Variants in AKT3 observed in about 807,000 individuals in gnomAD.
AKT3 encodes the protein RAC-gamma serine/threonine-protein kinase.
Under a neutral mutation model 65.3 loss-of-function variants are expected in AKT3, and 15 were observed. The ratio of observed to expected loss-of-function variants is 0.23; its 90% CI spans 0.15 to 0.35. The LOEUF (loss-of-function observed/expected upper bound fraction) is 0.35. Ranked by LOEUF, AKT3 falls within the 10% of genes least tolerant of loss-of-function variation. The probability of loss-of-function intolerance (pLI) is 1.00; values close to 1 mark genes in which losing one functional copy is unlikely to be tolerated. For missense variants in AKT3, 243 were observed against 576.5 expected, an observed-to-expected ratio of 0.42 and a Z score of 5.92; for synonymous variants, 206 against 183.8, an observed-to-expected ratio of 1.12 and a Z score of -0.98.
intron 8 of AKT3, among the ~76,000 whole-genome samples, chr1:243,609,845 T>TA (rs1677737245): frequency 6.6e-6 from 1 of 152,142 alleles, no homozygotes; most frequent in Middle Eastern, 3.2e-3. Flanking sequence ...AATCATCAAT[T>TA]AATTAATCTT....
chr1:243,716,379 T>C (rs575658167), intron 2 of AKT3, among the ~76,000 whole-genome samples: 2 of 152,294 alleles, frequency 1.3e-5, no homozygotes, highest in East Asian at 3.9e-4. Context: ...TAATTTCTCA[T>C]AAGATCTAGC....
intron 11 of AKT3, among the ~76,000 whole-genome samples, chr1:243,552,288 CAAAAAAAAAAAAAAA>C (rs33995513): frequency 5.0e-4 from 25 of 50,174 alleles, no homozygotes; most frequent in Non-Finnish European, 7.5e-4. Context: ...GACTCTGTCT[CAAAAAAAAAAAAAAA>C]AAAAAAAAAA....
chr1:243,539,325 G>C (rs952989322), intron 12 of AKT3, among the ~76,000 whole-genome samples: 2 of 151,992 alleles, frequency 1.3e-5, no homozygotes, highest in African/African-American at 2.4e-5. Flanking sequence ...TCTTCCTTAT[G>C]ATTTTATTAA....
intron 12 of AKT3, among the ~76,000 whole-genome samples, chr1:243,539,790 A>C (rs1672185668): frequency 6.6e-6 from 1 of 152,218 alleles, no homozygotes; most frequent in African/African-American, 2.4e-5. Flanking sequence ...ATGAAAACAC[A>C]GCACATCAAA....
chr1:243,512,128 G>C (rs1670052116), intron 13 of AKT3, among the ~76,000 whole-genome samples, 196 bp downstream of exon 13: 3 of 152,084 alleles, frequency 2.0e-5, no homozygotes, highest in African/African-American at 7.2e-5. Context: ...ATTTCTTGCA[G>C]TCTTTTGATA....
intron 2 of AKT3, among the ~76,000 whole-genome samples, chr1:243,807,828 G>A (rs1692843620): frequency 6.6e-6 from 1 of 152,166 alleles, no homozygotes; most frequent in Non-Finnish European, 1.5e-5. Context: ...ACCCCTCTGA[G>A]ACGAAACTTC....
At position 243,843,107 on chromosome 1, in the gene AKT3, G is replaced by C. The variant is rs774392666; in HGVS notation, c.46+18C>G. 3 of 1,612,876 alleles carry C rather than the reference G, an allele frequency of 1.9e-6. No homozygotes were observed. In the Admixed American group the frequency reaches 5.0e-5, roughly 27 times the overall value. ...CACTCTTACCAACCGTATTATTTTT[G>C]GTTTGCGGAGCACTTACCCCTCTTC... is the stretch of plus-strand genomic sequence containing the variant. On this transcript the variant is annotated intron_variant, in intron 2 of 13. Coordinates refer to ENST00000673466, the MANE Select transcript of AKT3 (RefSeq NM_005465.7).
In AKT3 at chr1:243,503,661, T is replaced by C. The variant is rs1216170036; in HGVS notation, c.*1588A>G. ...ACATGCCCCCTTTCAGTGAGAAATG[T>C]TGGAATCTGGGGGACATGAGTATAT... On this transcript the variant is annotated 3_prime_UTR_variant, in exon 14 of 14. Coordinates refer to ENST00000673466, the MANE Select transcript of AKT3 (RefSeq NM_005465.7). The C allele has an allele frequency of 4.3e-6, 1 of 232,448 alleles. No homozygotes were observed. Among genetic ancestry groups the C allele is most frequent in the African/African-American group, 2.2e-5 (1 of 45,248 alleles). The allele number at this position is 232,448 out of a possible 1,614,324, so 14.4% of individuals were successfully genotyped here. A position where few individuals can be genotyped will look rare whatever the true frequency, so the allele number is the denominator to read the frequency against.
At chr1:243,723,021 T>G (rs980872641) in intron 2 of AKT3, among the ~76,000 whole-genome samples, 3 of 152,226 alleles carry the variant, frequency 2.0e-5, no homozygotes, top group African/African-American at 7.2e-5. Context: ...GAAAAACAAT[T>G]TATAAAAATG....
At chr1:243,563,993 T>G in intron 9 of AKT3, 145 bp from the exon 10 acceptor site, 2 of 600,906 alleles carry the variant, frequency 3.3e-6, no homozygotes, top group Non-Finnish European at 5.2e-6. Context: ...ACTTACAAAC[T>G]CTGTTGCTTC....
chr1:243,699,789 T>A (rs1394085316), intron 2 of AKT3, among the ~76,000 whole-genome samples: 2 of 152,024 alleles, frequency 1.3e-5, no homozygotes, highest in African/African-American at 4.8e-5. Context: ...AAGATGGACT[T>A]TTCCCCTGGA....
intron 2 of AKT3, among the ~76,000 whole-genome samples, chr1:243,764,237 T>C (rs1348486188): frequency 1.3e-5 from 2 of 152,140 alleles, no homozygotes; most frequent in East Asian, 3.8e-4. Context: ...ATAATTTTAA[T>C]TCCCTTTTAA....
chr1:243,506,704 T>C (rs185402393), intron 13 of AKT3, among the ~76,000 whole-genome samples: 2 of 152,328 alleles, frequency 1.3e-5, no homozygotes, highest in African/African-American at 4.8e-5. Context: ...CAAGAAGCAT[T>C]TGTGGCTCCC....
intron 6 of AKT3, among the ~76,000 whole-genome samples, chr1:243,630,764 G>T (rs1450055694): frequency 6.6e-6 from 1 of 152,026 alleles, no homozygotes; most frequent in African/African-American, 2.4e-5. Flanking sequence ...AGTCTGTTCT[G>T]TAACTATACT....
rs544320392 is a variant in AKT3 at position 243,578,449 on chromosome 1, C to T, written c.697-5401G>A. Among the ~76,000 whole-genome samples the T allele has an allele frequency of 5.9e-5, 9 of 152,206 alleles. 1 individual carries two copies. The highest frequency in any genetic ancestry group is 2.1e-4 in the South Asian group (1 of 4,816). On this transcript the variant is annotated intron_variant, in intron 8 of 13. Transcript: ENST00000673466. ...AACGCAGGAACAGAAAACCAAACAC[C>T]GCTTGTTCTCACTCATAAGTGGGAG...
intron 9 of AKT3, 43 bp downstream of exon 9, chr1:243,572,883 T>C (rs772959084): frequency 6.4e-7 from 1 of 1,565,210 alleles, no homozygotes; most frequent in Non-Finnish European, 8.7e-7. Flanking sequence ...GTCCCTATAG[T>C]CTCTGCAAAA....
At chr1:243,850,012 G>T in intron 1 of AKT3, 28 bp downstream of exon 1, 1 of 986,178 alleles carries the variant, frequency 1.0e-6, no homozygotes, top group Non-Finnish European at 1.2e-6. Context: ...GCGGGGAGGG[G>T]GCTAGAGTTG....
At chr1:243,563,931 G>A (rs910230541) in intron 9 of AKT3, 83 bp from the exon 10 acceptor site, 8 of 1,369,352 alleles carry the variant, frequency 5.8e-6, no homozygotes, top group South Asian at 1.5e-5. Flanking sequence ...ACTGAATGCT[G>A]AGTAAGGTAT....
At chr1:243,817,674 AG>A (rs2148414470) in intron 2 of AKT3, among the ~76,000 whole-genome samples, 1 of 152,314 alleles carries the variant, frequency 6.6e-6, no homozygotes, top group South Asian at 2.1e-4. Context: ...TAGAAGGCAG[AG>A]GTTGCAGTGA....
Sources: gnomAD v4.1 joint callset for allele counts (sites outside exome capture counted in the v4.1 genomes callset) on GRCh38, gnomAD v4.1.1 for gene constraint, MANE v1.5 for transcripts, NCBI Gene and HGNC (gene_info 2026-07-23, HGNC 2026-07-21) for gene names.